RBFOX1: variants seen among roughly 807,000 people sequenced by gnomAD.
RBFOX1 encodes the protein RNA binding fox-1 homolog 1, also known as RNA binding protein fox-1 homolog 1.
A neutral mutation model predicts 57.7 loss-of-function variants in RBFOX1; 8 were observed. The observed-to-expected ratio is 0.14, with a 90% confidence interval of 0.08 to 0.25. The LOEUF is 0.25. RBFOX1 is among the 10% of genes least tolerant of loss of function. The pLI, the probability that RBFOX1 is intolerant of heterozygous loss-of-function variation, is 1.00. For missense variants in RBFOX1, 611 were observed against 548.5 expected (o/e 1.11, Z -1.14); for synonymous variants, 326 against 222.4 (o/e 1.47, Z -4.15).
chr16:5,284,756 A>AATTTTTTTTTT (rs1303967371), intron 1 of RBFOX1, among the ~76,000 whole-genome samples: 4 of 61,034 alleles, frequency 6.6e-5, no homozygotes, highest in Admixed American at 2.3e-4. Flanking sequence ...TTTGGCTTAG[A>AATTTTTTTTTT]TTTTTTTTTT....
Position 6,502,485 on chromosome 16 carries a change from A to G in RBFOX1, c.-63-152118A>G, listed in dbSNP as rs139680012. On this transcript the variant is annotated intron_variant, in intron 2 of 15. Transcript: ENST00000550418. Reference sequence around the variant, plus strand: ...CTCATCTGTAAAATAGGATGGCAGTATAACCCATCTACTATTTTAAGGATT... The same window carrying G: ...CTCATCTGTAAAATAGGATGGCAGTGTAACCCATCTACTATTTTAAGGATT... 6.6e-5 allele frequency among the ~76,000 whole-genome samples: 10 copies of G among 152,286 alleles called. No homozygotes were observed. The East Asian group carries it at 9.7e-4, about 15-fold the overall frequency.
chr16:7,016,176 G>C (rs891253120), intron 3 of RBFOX1, among the ~76,000 whole-genome samples: 1 of 152,112 alleles, frequency 6.6e-6, no homozygotes, highest in Admixed American at 6.5e-5. Context: ...TTGCCGCGGT[G>C]AATTTGAAGT....
At chr16:5,985,623 G>A (rs919766223) in intron 4 of RBFOX1, among the ~76,000 whole-genome samples, 1 of 152,174 alleles carries the variant, frequency 6.6e-6, no homozygotes, top group Admixed American at 6.5e-5. Context: ...AGGGGAGGGG[G>A]AGCACCTGCC....
At chr16:7,546,354 A>G in intron 5 of RBFOX1, among the ~76,000 whole-genome samples, 1 of 2,602 alleles carries the variant, frequency 3.8e-4, no homozygotes, top group East Asian at 4.0e-3. Context: ...AAAATAAAAT[A>G]AAATAAAATA....
intron 4 of RBFOX1, among the ~76,000 whole-genome samples, chr16:5,982,606 C>G (rs1406639506): frequency 6.6e-6 from 1 of 152,160 alleles, no homozygotes. Context: ...CCCTCTCATA[C>G]CTAGAATGCT....
intron 2 of RBFOX1, among the ~76,000 whole-genome samples, chr16:6,512,300 G>GAAAAAAAAAAAAAAT (rs2096271854): frequency 1.3e-5 from 1 of 76,706 alleles, no homozygotes; most frequent in Non-Finnish European, 2.9e-5. Flanking sequence ...AAAAAAAAAA[G>GAAAAAAAAAAAAAAT]GTAAGAGAAA....
intron 4 of RBFOX1, among the ~76,000 whole-genome samples, chr16:5,891,604 T>G (rs1374441082): frequency 6.6e-6 from 1 of 152,046 alleles, no homozygotes. Flanking sequence ...TTCCTTCTAG[T>G]CTACAGCTGG....
intron 3 of RBFOX1, among the ~76,000 whole-genome samples, chr16:6,994,959 G>GTC: frequency 6.6e-6 from 1 of 151,974 alleles, no homozygotes. Context: ...GTGTGTGTGT[G>GTC]TGTGTGTGTG....
intron 3 of RBFOX1, among the ~76,000 whole-genome samples, chr16:6,724,207 C>CTTTTTTTTTTTTTT (rs766088068): frequency 7.1e-6 from 1 of 141,542 alleles, no homozygotes; most frequent in African/African-American, 2.7e-5. Context: ...AGGCATCTTC[C>CTTTTTTTTTTTTTT]ATTTTTTTTT....
chr16:7,125,883 G>C (rs2068395294), intron 4 of RBFOX1, among the ~76,000 whole-genome samples: 1 of 152,120 alleles, frequency 6.6e-6, no homozygotes, highest in African/African-American at 2.4e-5. Flanking sequence ...AGGAGTTCAA[G>C]ACCATCCTGG....
intron 3 of RBFOX1, among the ~76,000 whole-genome samples, chr16:5,653,611 C>T (rs66976444): frequency 0.029 from 4,459 of 152,224 alleles, 151 homozygotes; most frequent in African/African-American, 0.075. Context: ...CCTCTCCCTC[C>T]GCTAACAGAC....
chr16:6,587,783 A>G lies in RBFOX1; in HGVS notation c.-63-66820A>G, dbSNP rs145302854. 3.7e-3 allele frequency among the ~76,000 whole-genome samples: 557 copies of G among 152,346 alleles called. 4 individuals are homozygous for G. Among genetic ancestry groups the G allele is most frequent in the African/African-American group, 0.013 (525 of 41,588 alleles). ...ATTAAAACACACAGTGAAAACCCAT[A>G]TAACTTTTGTGTAGTTTCACCAATG... is the stretch of plus-strand genomic sequence containing the variant. On this transcript the variant is annotated intron_variant, in intron 2 of 15. Coordinates refer to ENST00000550418, the MANE Select transcript of RBFOX1 (RefSeq NM_018723.4).
At chr16:6,275,506 A>G (rs558299131) in intron 1 of RBFOX1, among the ~76,000 whole-genome samples, 1 of 152,180 alleles carries the variant, frequency 6.6e-6, no homozygotes, top group South Asian at 2.1e-4. Context: ...CTTTATTTTC[A>G]TTTCACATCT....
At chr16:7,627,411 C>A (rs1297643840) in intron 10 of RBFOX1, among the ~76,000 whole-genome samples, 1 of 152,014 alleles carries the variant, frequency 6.6e-6, no homozygotes, top group African/African-American at 2.4e-5. Flanking sequence ...ATAAATTGAC[C>A]CCATTTGCCA....
chr16:6,687,798 A>T (rs77136371), intron 3 of RBFOX1, among the ~76,000 whole-genome samples: 1 of 152,098 alleles, frequency 6.6e-6, no homozygotes, highest in Non-Finnish European at 1.5e-5. Flanking sequence ...CTTACTCCCT[A>T]TTGGCTAGAA....
At chr16:5,848,977 C>CAA (rs111633901) in intron 3 of RBFOX1, among the ~76,000 whole-genome samples, 83 of 149,842 alleles carry the variant, frequency 5.5e-4, no homozygotes, top group East Asian at 1.2e-3. Context: ...AAAACAACAA[C>CAA]AAAAAAAAAC....
chr16:5,738,264 C>G (rs909637360), intron 3 of RBFOX1, among the ~76,000 whole-genome samples: 4 of 150,472 alleles, frequency 2.7e-5, no homozygotes, highest in East Asian at 2.0e-4. Flanking sequence ...TTTAGGGTAT[C>G]CATCACCCAA....
chr16:6,752,867 A>G (rs2075181361), intron 3 of RBFOX1, among the ~76,000 whole-genome samples: 1 of 151,218 alleles, frequency 6.6e-6, no homozygotes, highest in South Asian at 2.1e-4. Context: ...CTCTCTGCTC[A>G]CATATTGCAG....
chr16:6,613,036 T>A (rs868630478), intron 2 of RBFOX1, among the ~76,000 whole-genome samples: 8 of 121,456 alleles, frequency 6.6e-5, no homozygotes, highest in Admixed American at 2.5e-4. Flanking sequence ...TGTGTGTGTG[T>A]GTGTGTGAGT....
Sources: gnomAD v4.1 joint callset for allele counts (sites outside exome capture counted in the v4.1 genomes callset) on GRCh38, gnomAD v4.1.1 for gene constraint, MANE v1.5 for transcripts, NCBI Gene and HGNC (gene_info 2026-07-23, HGNC 2026-07-21) for gene names.